UIMC1: variants seen among roughly 807,000 people sequenced by gnomAD.
The protein encoded by UIMC1 is BRCA1-A complex subunit RAP80.
A neutral mutation model predicts 84.9 loss-of-function variants in UIMC1; 42 were observed. The observed-to-expected ratio is 0.49, with a 90% CI of 0.39 to 0.64. The LOEUF (loss-of-function observed/expected upper bound fraction) is 0.64, where lower values mean the gene tolerates loss of function less well. Ranked by LOEUF, UIMC1 falls within the 30% of genes least tolerant of loss-of-function variation. The pLI is 0.00. For synonymous variants in UIMC1, 281 were observed against 293.0 expected, an observed-to-expected ratio of 0.96 and a Z score of 0.42; for missense variants, 825 against 847.6, an observed-to-expected ratio of 0.97 and a Z score of 0.33.
At chr5:176,926,111 GA>G (rs1297624168) in intron 10 of UIMC1, among the ~76,000 whole-genome samples, 4 of 151,944 alleles carry the variant, frequency 2.6e-5, no homozygotes, top group Non-Finnish European at 5.9e-5. Flanking sequence ...ATAACGGAGG[GA>G]AAAAGACTGG....
chr5:176,982,683 TAA>T, intron 1 of UIMC1, 60 bp from the exon 2 acceptor site: 1 of 1,518,238 alleles, frequency 6.6e-7, no homozygotes, highest in Non-Finnish European at 8.9e-7. Flanking sequence ...ACTTAAAGTA[TAA>T]GTTTTCTAGA....
intron 8 of UIMC1, among the ~76,000 whole-genome samples, chr5:176,953,451 A>G (rs1766153703): frequency 6.7e-6 from 1 of 149,782 alleles, no homozygotes; most frequent in Non-Finnish European, 1.5e-5. Context: ...TCTAGAATTA[A>G]TTATATTTTA....
intron 3 of UIMC1, among the ~76,000 whole-genome samples, chr5:176,974,779 C>T (rs1769797991): frequency 6.6e-6 from 1 of 151,788 alleles, no homozygotes; most frequent in Admixed American, 6.6e-5. Flanking sequence ...CGCCAGCACA[C>T]TCAGCCCGGG....
At chr5:176,940,822 C>T (rs1287222447) in intron 10 of UIMC1, among the ~76,000 whole-genome samples, 1 of 152,090 alleles carries the variant, frequency 6.6e-6, no homozygotes, top group Non-Finnish European at 1.5e-5. Context: ...TGCTAGGTAC[C>T]GTGTTAAGTA....
At chr5:176,958,967 C>T (rs1581533711) in intron 6 of UIMC1, among the ~76,000 whole-genome samples, 1 of 152,220 alleles carries the variant, frequency 6.6e-6, no homozygotes, top group Non-Finnish European at 1.5e-5. Flanking sequence ...AAGCTACCAG[C>T]TGAAGTTTTC....
intron 10 of UIMC1, among the ~76,000 whole-genome samples, chr5:176,938,657 T>C (rs140571286): frequency 1.4e-3 from 219 of 152,278 alleles, no homozygotes; most frequent in South Asian, 2.5e-3. Context: ...CTTCTTATCT[T>C]ATCTAAACCC....
chr5:177,020,493 C>G (rs537217543), intron 1 of UIMC1, among the ~76,000 whole-genome samples: 8 of 152,188 alleles, frequency 5.3e-5, no homozygotes, highest in Admixed American at 1.3e-4. Context: ...TGCAGTGGCA[C>G]GATCTCGGCT....
Position 176,968,674 on chromosome 5 carries a change from TCTC to T in UIMC1, c.1078_1080del (p.Glu360del). 6.2e-7 allele frequency: 1 copy of T among 1,614,116 alleles called. No homozygotes were observed. The highest frequency in any genetic ancestry group is 1.1e-5 in the South Asian group (1 of 91,082). On this transcript the variant is annotated inframe_deletion, in exon 6 of 15. Coordinates refer to ENST00000511320, the MANE Select transcript of UIMC1 (RefSeq NM_001199298.2). ...CAGTCAGATGCCCTAGACTCCTGCC[TCTC>T]CTCTTTGTCTTCATCTCCCATATCT...
intron 11 of UIMC1, among the ~76,000 whole-genome samples, chr5:176,910,590 T>G (rs1167943299): frequency 6.6e-6 from 1 of 152,248 alleles, no homozygotes; most frequent in Non-Finnish European, 1.5e-5. Flanking sequence ...AAAAGTCTTC[T>G]ATATTGCCCA....
chr5:176,930,404 T>G (rs1762938227), intron 10 of UIMC1, among the ~76,000 whole-genome samples: 1 of 152,230 alleles, frequency 6.6e-6, no homozygotes, highest in Non-Finnish European at 1.5e-5. Flanking sequence ...TGAGTTAAAC[T>G]TGGTGTACCC....
upstream of UIMC1, among the ~76,000 whole-genome samples, chr5:177,009,961 C>T (rs1293956739): frequency 6.6e-6 from 1 of 152,032 alleles, no homozygotes; most frequent in East Asian, 1.9e-4. The surrounding 1 kb of genome is among the most constrained non-coding windows in gnomAD (Gnocchi z 4.3). Context: ...GCTTGAACTC[C>T]AACCTGGGTG....
chr5:176,974,161 T>C (rs893525285), intron 3 of UIMC1, among the ~76,000 whole-genome samples: 3 of 152,330 alleles, frequency 2.0e-5, no homozygotes, highest in Non-Finnish European at 2.9e-5. Context: ...GGAAGAATTA[T>C]ACTACCTGAT....
At chr5:176,996,167 G>C (rs1237905212) in intron 1 of UIMC1, among the ~76,000 whole-genome samples, 1 of 152,134 alleles carries the variant, frequency 6.6e-6, no homozygotes, top group Non-Finnish European at 1.5e-5. Flanking sequence ...AGACATTATG[G>C]TGAGCAAAAG....
intron 10 of UIMC1, among the ~76,000 whole-genome samples, chr5:176,918,422 T>TA (rs2149402284): frequency 6.6e-6 from 1 of 152,334 alleles, no homozygotes; most frequent in East Asian, 1.9e-4. Flanking sequence ...CCTAATGCCC[T>TA]AAGGCACCCA....
At chr5:176,917,684 G>T (rs1761185255) in intron 10 of UIMC1, among the ~76,000 whole-genome samples, 1 of 152,224 alleles carries the variant, frequency 6.6e-6, no homozygotes, top group South Asian at 2.1e-4. Context: ...ATTGGGCAAG[G>T]AGCGGTGGCT....
Position 176,905,050 on chromosome 5 carries a change from T to C in UIMC1, c.*232A>G, listed in dbSNP as rs1759176892. 3 of 396,868 alleles carry C rather than the reference T, an allele frequency of 7.6e-6. No individual in the cohort carries two copies. Among genetic ancestry groups the C allele is most frequent in the Admixed American group, 4.1e-5 (1 of 24,204 alleles). The allele number at this position is 396,868 out of a possible 1,614,324, so 24.6% of individuals were successfully genotyped here. On this transcript the variant is annotated 3_prime_UTR_variant, in exon 15 of 15. Coordinates refer to ENST00000511320, the MANE Select transcript of UIMC1 (RefSeq NM_001199298.2). ...AAATAAGATTTCGTACAAACATAAA[T>C]ATATTTAAATTTTTTAACTGTAAGT...
At chr5:176,995,014 C>T (rs1773406436) in intron 1 of UIMC1, among the ~76,000 whole-genome samples, 1 of 152,064 alleles carries the variant, frequency 6.6e-6, no homozygotes, top group Admixed American at 6.6e-5. Flanking sequence ...TGGGCTCTGG[C>T]TTTTCAGATA....
At chr5:176,909,732 TAAGAG>T (rs1759870283) in intron 11 of UIMC1, among the ~76,000 whole-genome samples, 1 of 152,170 alleles carries the variant, frequency 6.6e-6, no homozygotes. Context: ...AATGCTGCCT[TAAGAG>T]AAAAGCTAGA....
chr5:176,968,671 G>C lies in UIMC1; in HGVS notation c.1084C>G (p.Gln362Glu). The change falls in exon 6 of 15, where the codon CAG becomes GAG. Residue 362 changes from glutamine (Q) to glutamate (E), a missense_variant. Transcript: ENST00000511320. The part of the protein sequence containing the change: ...DMGDEDKEER[Q>E]ESRASDWHSK... ...TGCCAGTCAGATGCCCTAGACTCCTGCCTCTCCTCTTTGTCTTCATCTCCC... is the reference window on the plus strand; with the variant it reads ...TGCCAGTCAGATGCCCTAGACTCCTCCCTCTCCTCTTTGTCTTCATCTCCC... 6.2e-7 allele frequency: 1 copy of C among 1,614,012 alleles called. No homozygotes were observed. Among genetic ancestry groups the C allele is most frequent in the Non-Finnish European group, 8.5e-7 (1 of 1,180,016 alleles).
Sources: allele counts gnomAD v4.1 joint callset (sites outside exome capture counted in the v4.1 genomes callset), GRCh38; gene constraint gnomAD v4.1.1; non-coding constraint Gnocchi (gnomAD v3.1); transcripts MANE v1.5; gene names NCBI Gene and HGNC (gene_info 2026-07-23, HGNC 2026-07-21).